Variants in DLGAP4 observed in about 807,000 individuals in gnomAD.
The protein encoded by DLGAP4 is DLG associated protein 4.
Under a neutral mutation model 86.9 loss-of-function variants are expected in DLGAP4, and 18 were observed. The observed-to-expected ratio is 0.21, with a 90% confidence interval of 0.14 to 0.31. The LOEUF (loss-of-function observed/expected upper bound fraction) is 0.31, where lower values mean the gene tolerates loss of function less well. Ranked by LOEUF, DLGAP4 falls within the 10% of genes least tolerant of loss-of-function variation. The pLI, the probability that DLGAP4 is intolerant of heterozygous loss-of-function variation, is 1.00. For synonymous variants in DLGAP4, 548 were observed against 574.3 expected, an observed-to-expected ratio of 0.95 and a Z score of 0.65; for missense variants, 1,085 against 1,362.6, an observed-to-expected ratio of 0.80 and a Z score of 3.21.
In DLGAP4 at chr20:36,524,347, T is replaced by C; in HGVS notation, c.2604+6T>C. On this transcript the variant is annotated splice_donor_region_variant and intron_variant, in intron 11 of 12. Coordinates refer to ENST00000339266, the MANE Select transcript of DLGAP4 (RefSeq NM_001365621.2). ...GCCTCTGTGAGCAAAACTTGGTGAG[T>C]GTGATTCTCCTTCCTCCACAGCAGG... The C allele has an allele frequency of 1.2e-6, 2 of 1,610,526 alleles. No individual in the cohort carries two copies. The highest frequency in any genetic ancestry group is 1.7e-6 in the Non-Finnish European group (2 of 1,178,120).
intron 2 of DLGAP4, among the ~76,000 whole-genome samples, chr20:36,417,638 C>A (rs2032696591): frequency 6.6e-6 from 1 of 152,134 alleles, no homozygotes; most frequent in Admixed American, 6.5e-5. Context: ...CCCACCTTGG[C>A]CTCCCAAAGT....
intron 2 of DLGAP4, among the ~76,000 whole-genome samples, chr20:36,368,331 C>T (rs949950872): frequency 3.3e-5 from 5 of 152,232 alleles, no homozygotes; most frequent in African/African-American, 9.6e-5. Context: ...CTAGAGCCTG[C>T]CCAGCTTCCC....
intron 2 of DLGAP4, among the ~76,000 whole-genome samples, chr20:36,373,226 A>T (rs528262745): frequency 6.6e-5 from 10 of 152,324 alleles, no homozygotes; most frequent in African/African-American, 2.4e-4. Flanking sequence ...TTGACTTGTA[A>T]CTGTAAAGTT....
rs1272329802 is a variant in DLGAP4, at chr20:36,500,365, G to T, written c.2266G>T (p.Ala756Ser). Reference protein sequence around the residue: ...DAGPRQAPKIAQIKRNLSYGD... With the variant: ...DAGPRQAPKISQIKRNLSYGD... ...CGGTCCCCGGCAGGCCCCCAAGATTGCCCAGATCAAGCGCAACCTCTCCTA... is the reference window on the plus strand; with the variant it reads ...CGGTCCCCGGCAGGCCCCCAAGATTTCCCAGATCAAGCGCAACCTCTCCTA... The change falls in exon 10 of 13, where the codon GCC becomes TCC. Residue 756 changes from alanine to serine, a missense_variant. Ala to Ser is a moderately conservative substitution (Grantham distance 99). Coordinates refer to ENST00000339266, the MANE Select transcript of DLGAP4 (RefSeq NM_001365621.2). This position sits in a 1 kb window ranked among gnomAD's most constrained non-coding sequence, Gnocchi z 4.6. The T allele has an allele frequency of 6.2e-7, 1 of 1,611,916 alleles. No individual in the cohort carries two copies. Among genetic ancestry groups the T allele is most frequent in the African/African-American group, 1.3e-5 (1 of 75,042 alleles).
rs2033144812 is a variant in DLGAP4, at chr20:36,432,078, A to G, written c.361A>G (p.Thr121Ala). ...GCCCATCCACCGTGATGGCTTCAGC[A>G]CCCTCCAATTTCCCCGTGGCGAGGC... ...QLPIHRDGFS[T>A]LQFPRGEAKA... The change falls in exon 3 of 13, where the codon ACC becomes GCC. Residue 121 changes from threonine (T) to alanine (A), a missense_variant. Thr to Ala is a moderately conservative substitution (Grantham distance 58). This residue lies in a region of DLGAP4 where 1,082 missense variants were observed against 1,344.1 expected (regional missense o/e 0.81). Coordinates refer to ENST00000339266, the MANE Select transcript of DLGAP4 (RefSeq NM_001365621.2). The surrounding 1 kb of genome is among the most constrained non-coding windows in gnomAD (Gnocchi z 6.5). 3 of 1,614,072 alleles carry G rather than the reference A, an allele frequency of 1.9e-6. No homozygotes were observed. Among genetic ancestry groups the G allele is most frequent in the Admixed American group, 1.7e-5 (1 of 60,018 alleles).
intron 2 of DLGAP4, among the ~76,000 whole-genome samples, chr20:36,427,433 A>G (rs555419842): frequency 8.6e-5 from 13 of 151,346 alleles, no homozygotes; most frequent in Non-Finnish European, 1.8e-4. Flanking sequence ...AGCTGAGACC[A>G]CACCATTGCA....
At chr20:36,317,302 TTTCTTCC>T (rs2065117299) in intron 1 of DLGAP4, among the ~76,000 whole-genome samples, 1 of 3,212 alleles carries the variant, frequency 3.1e-4, no homozygotes, top group Non-Finnish European at 4.3e-4. Context: ...CTTATCTTTC[TTTCTTCC>T]TTCCTTCCTT....
rs776950589 is a variant in DLGAP4, at chr20:36,432,476, G to C, written c.759G>C (p.Met253Ile). Reference sequence around the variant, plus strand: ...CCTACAACACCATCAGTGGGCACATGCTCAAAACCACCAAGAACAACACTA... The same window carrying C: ...CCTACAACACCATCAGTGGGCACATCCTCAAAACCACCAAGAACAACACTA... Reference protein sequence around the residue: ...MHAYNTISGHMLKTTKNNTTE... With the variant: ...MHAYNTISGHILKTTKNNTTE... Residue 253 changes from methionine (M) to isoleucine (I), a missense_variant, in exon 3 of 13, where the codon ATG (methionine) becomes ATC (isoleucine). Transcript: ENST00000339266. This position sits in a 1 kb window ranked among gnomAD's most constrained non-coding sequence, Gnocchi z 6.5. 6.2e-7 allele frequency: 1 copy of C among 1,613,574 alleles called. No individual in the cohort carries two copies. The highest frequency in any genetic ancestry group is 1.1e-5 in the South Asian group (1 of 91,060).
rs747868912 is a variant in DLGAP4 at position 36,432,255 on chromosome 20, C to T, written c.538C>T (p.Arg180Trp). The change falls in exon 3 of 13, where the codon CGG becomes TGG. Residue 180 changes from arginine to tryptophan, a missense_variant. Arg to Trp is a moderately radical substitution (Grantham distance 101, BLOSUM62 -3). This residue lies in a region of DLGAP4 where 1,082 missense variants were observed against 1,344.1 expected (regional missense o/e 0.81). Transcript: ENST00000339266. The surrounding 1 kb of genome is among the most constrained non-coding windows in gnomAD (Gnocchi z 6.5). The stretch of plus-strand genomic sequence containing the variant: ...GGGTGGCATGGAGGACGGCAAGGGC[C>T]GGAGGGCCAAAAGCAAGGAGCGGGC... ...KKGGMEDGKGRRAKSKERAKA... is the reference protein window; with the variant it reads ...KKGGMEDGKGWRAKSKERAKA... 37 of 1,613,648 alleles carry T rather than the reference C, an allele frequency of 2.3e-5. No homozygotes were observed. Among genetic ancestry groups the T allele is most frequent in the Non-Finnish European group, 2.8e-5 (33 of 1,179,896 alleles).
chr20:36,340,977 TC>T (rs1190236000), intron 1 of DLGAP4, among the ~76,000 whole-genome samples: 1 of 152,098 alleles, frequency 6.6e-6, no homozygotes, highest in Non-Finnish European at 1.5e-5. Context: ...CTCCCACCCC[TC>T]CCCATGCTCC....
At chr20:36,522,973 A>G (rs2037469338) in intron 10 of DLGAP4, among the ~76,000 whole-genome samples, 1 of 152,146 alleles carries the variant, frequency 6.6e-6, no homozygotes, top group Admixed American at 6.5e-5. Context: ...CCTCCCAAGT[A>G]GCTGGGGCTA....
chr20:36,513,864 A>G (rs915743969), intron 10 of DLGAP4, among the ~76,000 whole-genome samples: 5 of 152,164 alleles, frequency 3.3e-5, no homozygotes, highest in Non-Finnish European at 7.3e-5. Flanking sequence ...TCTGGGGGAA[A>G]GTCAGGAGTT....
In DLGAP4 at chr20:36,383,896, A is replaced by T. The variant is rs959171150; in HGVS notation, c.-73+16621A>T. 4.0e-5 allele frequency among the ~76,000 whole-genome samples: 6 copies of T among 151,082 alleles called. No homozygotes were observed. The South Asian group carries it at 1.3e-3, about 32-fold the overall frequency. On this transcript the variant is annotated intron_variant, in intron 2 of 12. Coordinates refer to ENST00000339266, the MANE Select transcript of DLGAP4 (RefSeq NM_001365621.2). ...AGGCTGAGGCAGGAGAATGGCGTGA[A>T]CCCGGGAGGCGGAGCTTGCAGTGAG...
intron 7 of DLGAP4, chr20:36,461,348 CG>C: frequency 1.6e-6 from 1 of 618,998 alleles, no homozygotes. Flanking sequence ...ACATGCCAAG[CG>C]GGCTGCGCGC....
At chr20:36,462,354 C>T (rs917526829) in intron 7 of DLGAP4, 7 of 1,377,254 alleles carry the variant, frequency 5.1e-6, no homozygotes, top group Non-Finnish European at 6.5e-6. Flanking sequence ...TCTCCCTGCC[C>T]CTCTGTGCCC....
At chr20:36,414,027 C>A (rs2032583196) in intron 2 of DLGAP4, among the ~76,000 whole-genome samples, 1 of 152,130 alleles carries the variant, frequency 6.6e-6, no homozygotes, top group African/African-American at 2.4e-5. Flanking sequence ...TTTAAGGATG[C>A]CTGGTTTACA....
intron 1 of DLGAP4, among the ~76,000 whole-genome samples, chr20:36,317,698 CCTT>C (rs1299728935): frequency 6.6e-6 from 1 of 152,004 alleles, no homozygotes; most frequent in Non-Finnish European, 1.5e-5. Flanking sequence ...CTCAAGCAAT[CCTT>C]CTCTCCAGCC....
rs373884719 is a variant in DLGAP4, at chr20:36,387,029, C to T, written c.-73+19754C>T. The stretch of plus-strand genomic sequence containing the variant: ...ATATTTCAGTGGTTCTGGTTCTCCA[C>T]CATGAAGATCTCTGTGAATATGCAT... On this transcript the variant is annotated intron_variant, in intron 2 of 12. Transcript: ENST00000339266. 3.9e-4 allele frequency among the ~76,000 whole-genome samples: 60 copies of T among 152,280 alleles called. No individual in the cohort carries two copies. In the South Asian group the frequency reaches 0.012, roughly 31 times the overall value.
chr20:36,495,351 T>C (rs2035844823), intron 7 of DLGAP4, among the ~76,000 whole-genome samples: 1 of 152,156 alleles, frequency 6.6e-6, no homozygotes, highest in Non-Finnish European at 1.5e-5. Flanking sequence ...TGGGCCTTGT[T>C]TTGTGAGTTG....
Sources: gnomAD v4.1 joint callset for allele counts (sites outside exome capture counted in the v4.1 genomes callset) on GRCh38, gnomAD v4.1.1 for gene constraint, gnomAD v4.1.1 regional missense constraint, Gnocchi (gnomAD v3.1) non-coding constraint, MANE v1.5 for transcripts, NCBI Gene and HGNC (gene_info 2026-07-23, HGNC 2026-07-21) for gene names.